Variants in TPTE2 observed in about 807,000 individuals in gnomAD.
TPTE2 encodes transmembrane phosphoinositide 3-phosphatase and tensin homolog 2.
Under a neutral mutation model 78.6 loss-of-function variants are expected in TPTE2, and 53 were observed. The ratio of observed to expected loss-of-function variants is 0.67; its 90% confidence interval spans 0.54 to 0.85. TPTE2 has a LOEUF of 0.85. Among genes scored for constraint, TPTE2 ranks in the 40% least tolerant of loss-of-function variants. The pLI is 0.00. For synonymous variants in TPTE2, 175 were observed against 206.2 expected (o/e 0.85, Z 1.30); for missense variants, 461 against 623.0 (o/e 0.74, Z 2.77).
intron 1 of TPTE2, among the ~76,000 whole-genome samples, chr13:19,511,114 T>C (rs1428932392): frequency 6.6e-6 from 1 of 152,224 alleles, no homozygotes; most frequent in Non-Finnish European, 1.5e-5. Flanking sequence ...CTGTTTCATA[T>C]TCCTACAGAA....
chr13:19,549,091 C>G, the TPTE2 span, among the ~76,000 whole-genome samples: 2,288 of 147,504 alleles, frequency 0.016, 21 homozygotes, highest in Non-Finnish European at 0.026. Flanking sequence ...CTGTGCTCCC[C>G]TCCACAAAAA....
At chr13:19,520,126 G>A (rs745900960) in intron 1 of TPTE2, among the ~76,000 whole-genome samples, 4 of 151,970 alleles carry the variant, frequency 2.6e-5, no homozygotes, top group Non-Finnish European at 5.9e-5. Flanking sequence ...TGCTCCAGCA[G>A]GTTTGTTGTT....
At position 19,463,180 on chromosome 13, in the gene TPTE2, C is replaced by T. The variant is rs1194649692; in HGVS notation, c.741+1276G>A. Among the ~76,000 whole-genome samples, 3 of 151,302 alleles carry T rather than the reference C, an allele frequency of 2.0e-5. No homozygotes were observed. In the East Asian group the frequency reaches 5.9e-4, roughly 30 times the overall value. On this transcript the variant is annotated intron_variant, in intron 10 of 19. Transcript: ENST00000400230. ...TGTATTTTTTAGAGACAGGATTTTG[C>T]CATGTTCATCAGGCTTGTCTTGAAC...
At chr13:19,558,744 T>A in the TPTE2 span, among the ~76,000 whole-genome samples, 13 of 152,220 alleles carry the variant, frequency 8.5e-5, no homozygotes, top group Admixed American at 3.3e-4. Flanking sequence ...GTGCTTTAAA[T>A]CAGAAAACAA....
the TPTE2 span, among the ~76,000 whole-genome samples, chr13:19,548,530 G>A: frequency 6.6e-6 from 1 of 151,694 alleles, no homozygotes; most frequent in African/African-American, 2.4e-5. Flanking sequence ...AATTGAAAAG[G>A]TTTAAACCAA....
At chr13:19,443,496 C>CCGGTT (rs1877622363) in intron 13 of TPTE2, among the ~76,000 whole-genome samples, 1 of 150,624 alleles carries the variant, frequency 6.6e-6, no homozygotes, top group Non-Finnish European at 1.5e-5. Flanking sequence ...ACCTCTGCCT[C>CCGGTT]CTGGTTTCAA....
chr13:19,518,706 T>C (rs1297835938), intron 1 of TPTE2, among the ~76,000 whole-genome samples: 1 of 152,214 alleles, frequency 6.6e-6, no homozygotes, highest in Non-Finnish European at 1.5e-5. Context: ...AGAAGTTAAT[T>C]AGGTCTTCCA....
chr13:19,549,104 GC>G, the TPTE2 span, among the ~76,000 whole-genome samples: 1 of 127,890 alleles, frequency 7.8e-6, no homozygotes, highest in South Asian at 3.3e-4. Flanking sequence ...CACAAAAAGA[GC>G]AAAAACTCTG....
the TPTE2 span, among the ~76,000 whole-genome samples, chr13:19,549,411 G>A: frequency 6.6e-6 from 1 of 152,128 alleles, no homozygotes; most frequent in African/African-American, 2.4e-5. Context: ...AATGCTCAAT[G>A]TCATGAATCA....
the TPTE2 span, among the ~76,000 whole-genome samples, chr13:19,548,903 G>T: frequency 6.6e-6 from 1 of 152,222 alleles, no homozygotes; most frequent in East Asian, 1.9e-4. Flanking sequence ...CAAATCACCT[G>T]AGATCAGGAG....
At chr13:19,461,360 A>G (rs1878874730) in intron 10 of TPTE2, among the ~76,000 whole-genome samples, 1 of 151,970 alleles carries the variant, frequency 6.6e-6, no homozygotes, top group African/African-American at 2.4e-5. Flanking sequence ...ACTTGCATAC[A>G]ATGTGTAATG....
chr13:19,495,326 T>G (rs1881238470), intron 1 of TPTE2, among the ~76,000 whole-genome samples: 1 of 152,172 alleles, frequency 6.6e-6, no homozygotes, highest in South Asian at 2.1e-4. Flanking sequence ...GCTCTGTTCT[T>G]TGTTTTGGCT....
Position 19,535,856 on chromosome 13 carries a change from G to A in TPTE2, c.-44+740C>T, listed in dbSNP as rs915884894. On this transcript the variant is annotated intron_variant, in intron 1 of 17. Transcript: ENST00000390680. The surrounding 1 kb of genome is among the most constrained non-coding windows in gnomAD (Gnocchi z 5.1). The stretch of plus-strand genomic sequence containing the variant: ...TCACTATGTTGGCCAGGTTGGTCTC[G>A]AACTCCTGGCCTCAAGTGATCTGCC... Among the ~76,000 whole-genome samples, 4 of 152,038 alleles carry A rather than the reference G, an allele frequency of 2.6e-5. No homozygotes were observed. The highest frequency in any genetic ancestry group is 5.9e-5 in the Non-Finnish European group (4 of 68,030).
At position 19,535,783 on chromosome 13, in the gene TPTE2, C is replaced by G. The variant is rs1309510964; in HGVS notation, c.-44+813G>C. ...AGTAGCTGGGACTACATACAGGTGC[C>G]TGCCATCATGCCCAGCTATTTTTTG... On this transcript the variant is annotated intron_variant, in intron 1 of 17. Coordinates refer to the TPTE2 transcript ENST00000390680. The surrounding 1 kb of genome is among the most constrained non-coding windows in gnomAD (Gnocchi z 5.1). Among the ~76,000 whole-genome samples, 1 of 152,044 alleles carries G rather than the reference C, an allele frequency of 6.6e-6. No homozygotes were observed. The highest frequency in any genetic ancestry group is 1.9e-4 in the East Asian group (1 of 5,182).
At chr13:19,472,729 C>A (rs141877512) in intron 6 of TPTE2, among the ~76,000 whole-genome samples, 1 of 152,226 alleles carries the variant, frequency 6.6e-6, no homozygotes, top group East Asian at 1.9e-4. Context: ...AGCAGATGTT[C>A]TTTGGTGTCT....
At chr13:19,516,093 A>T (rs972539688) in intron 1 of TPTE2, among the ~76,000 whole-genome samples, 4 of 152,202 alleles carry the variant, frequency 2.6e-5, no homozygotes, top group African/African-American at 9.7e-5. Context: ...ACTGTCCTAA[A>T]CTGAAGTGGT....
the TPTE2 span, among the ~76,000 whole-genome samples, chr13:19,546,363 G>A: frequency 6.6e-6 from 1 of 151,984 alleles, no homozygotes; most frequent in African/African-American, 2.4e-5. Flanking sequence ...AGTGGAACTG[G>A]GCCAGGCACA....
At chr13:19,465,634 A>G (rs529081496) in intron 7 of TPTE2, 70 bp from the exon 11 acceptor site, 13 of 1,315,038 alleles carry the variant, frequency 9.9e-6, no homozygotes, top group Admixed American at 2.7e-5. Flanking sequence ...CTATGTCTAG[A>G]GCAGCAGTTG....
the TPTE2 span, among the ~76,000 whole-genome samples, chr13:19,545,112 CAA>C: frequency 2.0e-5 from 3 of 151,962 alleles, no homozygotes; most frequent in East Asian, 1.9e-4. Context: ...AAAGAACAGA[CAA>C]GAGATGGGAG....
Sources: allele counts gnomAD v4.1 joint callset (sites outside exome capture counted in the v4.1 genomes callset), GRCh38; gene constraint gnomAD v4.1.1; non-coding constraint Gnocchi (gnomAD v3.1); transcripts MANE v1.5; gene names NCBI Gene and HGNC (gene_info 2026-07-23, HGNC 2026-07-21).